The following STIL variants were observed in gnomAD, a reference collection of about 807,000 sequenced individuals.
The protein encoded by STIL is STIL centriolar assembly protein, also known as SCL-interrupting locus protein.
Under a neutral mutation model 110.1 loss-of-function variants are expected in STIL, and 55 were observed. That is an observed-to-expected ratio of 0.50 (90% CI 0.40 to 0.63). The LOEUF is 0.63. STIL is among the 20% of genes least tolerant of loss of function. STIL has a pLI of 0.00. For synonymous variants in STIL, 481 were observed against 530.0 expected (o/e 0.91, Z 1.27); for missense variants, 1,358 against 1,530.0 (o/e 0.89, Z 1.87).
intron 10 of STIL, among the ~76,000 whole-genome samples, chr1:47,286,514 C>G (rs1348485547): frequency 6.6e-6 from 1 of 151,514 alleles, no homozygotes; most frequent in Non-Finnish European, 1.5e-5. Context: ...CGAGACCATC[C>G]TGGCTAACAT....
chr1:47,281,723 A>G (rs1180087207), intron 11 of STIL, among the ~76,000 whole-genome samples: 1 of 152,186 alleles, frequency 6.6e-6, no homozygotes, highest in Non-Finnish European at 1.5e-5. Flanking sequence ...AAAGCAAAAA[A>G]GAGTAAACAA....
At chr1:47,309,735 T>C (rs1646067294) in intron 2 of STIL, among the ~76,000 whole-genome samples, 1 of 152,074 alleles carries the variant, frequency 6.6e-6, no homozygotes. Flanking sequence ...CTGAGAAAAA[T>C]GGAAGACAGG....
At chr1:47,282,810 A>C (rs932124668) in intron 10 of STIL, 3 of 253,752 alleles carry the variant, frequency 1.2e-5, no homozygotes, top group Non-Finnish European at 2.3e-5. Context: ...TCTAGTATTA[A>C]AGGTTATTAA....
Position 47,251,732 on chromosome 1 carries a change from A to G in STIL, c.3271T>C (p.Cys1091Arg), listed in dbSNP as rs1334443074. ...LSVTRSNQNN[C>R]DPFSLLHINT... is the part of the protein sequence containing the mutation. ...ATATGGAGAAGGCTGAATGGGTCAC[A>G]ATTATTTTGGTTCGATCGAGTGACA... The change falls in exon 17 of 17, where the codon TGT (cysteine) becomes CGT (arginine). Residue 1091 changes from cysteine (C) to arginine (R), a missense_variant. Coordinates refer to ENST00000371877, the MANE Select transcript of STIL (RefSeq NM_001048166.1). 6.2e-7 allele frequency: 1 copy of G among 1,614,024 alleles called. No individual in the cohort carries two copies. Among genetic ancestry groups the G allele is most frequent in the African/African-American group, 1.3e-5 (1 of 74,914 alleles).
chr1:47,250,998 A>T lies in STIL; in HGVS notation c.*138T>A. On this transcript the variant is annotated 3_prime_UTR_variant, in exon 17 of 17. Coordinates refer to ENST00000371877, the MANE Select transcript of STIL (RefSeq NM_001048166.1). ...TATCACCAGCCAGCCATCTCACAGAAGTCACTCTTCCCAATTGGCTGCTAC... is the reference window on the plus strand; with the variant it reads ...TATCACCAGCCAGCCATCTCACAGATGTCACTCTTCCCAATTGGCTGCTAC... The T allele has an allele frequency of 1.3e-6, 1 of 757,928 alleles. No individual in the cohort carries two copies. The highest frequency in any genetic ancestry group is 1.8e-5 in the African/African-American group (1 of 56,714). 47.0% of individuals were successfully genotyped at this position (757,928 alleles called of 1,614,324 possible).
rs12061748 is a variant in STIL at position 47,279,301 on chromosome 1, T to A, written c.2217+940A>T. Among the ~76,000 whole-genome samples, 1,003 of 116,348 alleles carry A rather than the reference T, an allele frequency of 8.6e-3. 28 individuals are homozygous for A. The highest frequency in any genetic ancestry group is 0.05 in the African/African-American group (926 of 18,382). 76.3% of individuals were successfully genotyped at this position (116,348 alleles called of 152,430 possible). A position where few individuals can be genotyped will look rare whatever the true frequency, so the allele number is the denominator to read the frequency against. ...CCGTCTCAAAAAAAAAAAAAAAAAATCATACGTATATATGCACATTACACA... is the reference window on the plus strand; with the variant it reads ...CCGTCTCAAAAAAAAAAAAAAAAAAACATACGTATATATGCACATTACACA... On this transcript the variant is annotated intron_variant, in intron 12 of 16. Coordinates refer to ENST00000371877, the MANE Select transcript of STIL (RefSeq NM_001048166.1).
chr1:47,272,108 A>T lies in STIL; in HGVS notation c.2351T>A (p.Met784Lys), dbSNP rs994468549. The change falls in exon 13 of 17, where the codon ATG becomes AAG. Residue 784 changes from methionine (M) to lysine (K), a missense_variant. Coordinates refer to ENST00000371877, the MANE Select transcript of STIL (RefSeq NM_001048166.1). ...CACAGCAATGCTTACACCTTTTCTCATGTGCAAGCCAGGGGAAGACTGTGC... is the reference window on the plus strand; with the variant it reads ...CACAGCAATGCTTACACCTTTTCTCTTGTGCAAGCCAGGGGAAGACTGTGC... Reference protein sequence around the residue: ...VEAQSSPGLHMRKGVSIAVST... With the variant: ...VEAQSSPGLHKRKGVSIAVST... 2 of 1,612,660 alleles carry T rather than the reference A, an allele frequency of 1.2e-6. No homozygotes were observed. Among genetic ancestry groups the T allele is most frequent in the East Asian group, 2.2e-5 (1 of 44,882 alleles).
chr1:47,260,351 A>G lies in STIL; in HGVS notation c.3018T>C (p.Leu1006=). 1 of 1,614,134 alleles carries G rather than the reference A, an allele frequency of 6.2e-7. No homozygotes were observed. The highest frequency in any genetic ancestry group is 8.5e-7 in the Non-Finnish European group (1 of 1,180,008). The change falls in exon 16 of 17, where the codon CTT becomes CTC. Residue 1006 remains leucine (L), a synonymous_variant. Coordinates refer to ENST00000371877, the MANE Select transcript of STIL (RefSeq NM_001048166.1). ...TAGTGGGAGAATCAATTTTTACTCCAAGGCTTCTTAGTTGCTTAAGAGTTG... is the reference window on the plus strand; with the variant it reads ...TAGTGGGAGAATCAATTTTTACTCCGAGGCTTCTTAGTTGCTTAAGAGTTG... ...LNATLKQLRS[L]GVKIDSPTKV...
chr1:47,252,035 T>C, intron 16 of STIL, 113 bp from the exon 17 acceptor site: 1 of 1,075,244 alleles, frequency 9.3e-7, no homozygotes, highest in Non-Finnish European at 1.3e-6. Context: ...AAGTTCATGG[T>C]CCTTTTATCT....
chr1:47,259,285 C>CTTTTTTT lies in STIL; in HGVS notation c.3080+997_3080+1003dup, dbSNP rs3043082. On this transcript the variant is annotated intron_variant, in intron 16 of 16. Transcript: ENST00000371877. ...ACAGGTGTGAGGTACCGCGCCCGGC[C>CTTTTTTT]TTTTTTTTTTTTTTTTTTTTGACTG... is the stretch of plus-strand genomic sequence containing the variant. Among the ~76,000 whole-genome samples the CTTTTTTT allele has an allele frequency of 2.7e-3, 208 of 76,106 alleles. 20 individuals carry two copies. Among genetic ancestry groups the CTTTTTTT allele is most frequent in the African/African-American group, 0.011 (195 of 18,034 alleles). The allele number at this position is 76,106 out of a possible 152,430, so 49.9% of individuals were successfully genotyped here.
At chr1:47,311,981 G>A (rs1317635345) in intron 1 of STIL, among the ~76,000 whole-genome samples, 1 of 152,114 alleles carries the variant, frequency 6.6e-6, no homozygotes, top group East Asian at 1.9e-4. Context: ...TGGGAGGGGA[G>A]GTTGCAGTGA....
chr1:47,301,975 A>T (rs1184220397), intron 4 of STIL, among the ~76,000 whole-genome samples: 2 of 152,230 alleles, frequency 1.3e-5, no homozygotes, highest in Non-Finnish European at 2.9e-5. Context: ...CTCTGTAATT[A>T]ATAGTTTTAC....
At chr1:47,272,388 A>C in intron 12 of STIL, 147 bp from the exon 13 acceptor site, 2 of 771,304 alleles carry the variant, frequency 2.6e-6, no homozygotes, top group Non-Finnish European at 4.3e-6. Context: ...CCATACCATG[A>C]AACTTATTCA....
chr1:47,300,226 GATACAT>G (rs1398615392), intron 5 of STIL, 74 bp from the exon 6 acceptor site: 2 of 1,355,958 alleles, frequency 1.5e-6, no homozygotes, highest in East Asian at 2.5e-5. Flanking sequence ...ATTTTATACT[GATACAT>G]ATACATATAT....
rs182710641 is a variant in STIL, at chr1:47,257,223, A to C, written c.3080+3066T>G. 3.3e-5 allele frequency among the ~76,000 whole-genome samples: 5 copies of C among 152,384 alleles called. No individual in the cohort carries two copies. In the East Asian group the frequency reaches 9.6e-4, roughly 29 times the overall value. ...AAGTCAAACTGAAACAATGCGAATT[A>C]ATCAGGTAGGCCTCAGATAGGCTGG... On this transcript the variant is annotated intron_variant, in intron 16 of 16. Coordinates refer to ENST00000371877, the MANE Select transcript of STIL (RefSeq NM_001048166.1).
chr1:47,290,772 T>C (rs1645462763), intron 8 of STIL, among the ~76,000 whole-genome samples: 1 of 152,002 alleles, frequency 6.6e-6, no homozygotes, highest in African/African-American at 2.4e-5. Flanking sequence ...AGGCAGTTCC[T>C]GGAAGATGAG....
rs936286314 is a variant in STIL at position 47,252,819 on chromosome 1, ACACACG to A, written c.3081-903_3081-898del. 1.4e-4 allele frequency among the ~76,000 whole-genome samples: 21 copies of A among 148,532 alleles called. No individual in the cohort carries two copies. In the East Asian group the frequency reaches 3.9e-3, roughly 28 times the overall value. ...CACACACACACACACACACACACAC[ACACACG>A]AATACTTTTTTCATTAGTTATAATC... On this transcript the variant is annotated intron_variant, in intron 16 of 16. Coordinates refer to ENST00000371877, the MANE Select transcript of STIL (RefSeq NM_001048166.1).
At chr1:47,301,190 G>A (rs569187200) in intron 5 of STIL, among the ~76,000 whole-genome samples, 21 of 152,178 alleles carry the variant, frequency 1.4e-4, no homozygotes, top group Non-Finnish European at 2.1e-4. Flanking sequence ...CAATCCACCT[G>A]CCTCAGCTTC....
Position 47,300,128 on chromosome 1 carries a change from T to C in STIL, c.478A>G (p.Lys160Glu). Residue 160 changes from lysine to glutamate, a missense_variant, in exon 6 of 17, where the codon AAA (lysine) becomes GAA (glutamate). Transcript: ENST00000371877. ...AGCTTACCACAGTCCAAGGAATCTT[T>C]GCTACATATATGGCACTGTAGAGCC... ...LKALQCHICS[K>E]DSLDCGKLLS... 6.2e-7 allele frequency: 1 copy of C among 1,614,098 alleles called. No homozygotes were observed. Among genetic ancestry groups the C allele is most frequent in the Non-Finnish European group, 8.5e-7 (1 of 1,179,978 alleles).
Sources: allele counts gnomAD v4.1 joint callset (sites outside exome capture counted in the v4.1 genomes callset), GRCh38; gene constraint gnomAD v4.1.1; transcripts MANE v1.5; gene names NCBI Gene and HGNC (gene_info 2026-07-23, HGNC 2026-07-21).